The following TBX10 variants were observed in gnomAD, a reference collection of about 807,000 sequenced individuals.
TBX10 encodes the protein T-box transcription factor TBX10.
TBX10 carries 26 observed loss-of-function variants against 32.4 expected under a neutral mutation model. That is an observed-to-expected ratio of 0.80 (90% confidence interval 0.59 to 1.11). The LOEUF (loss-of-function observed/expected upper bound fraction) is 1.11, where lower values mean the gene tolerates loss of function less well. Ranked by LOEUF, TBX10 falls within the 50% of genes most tolerant of loss-of-function variation. The pLI is 0.00. For synonymous variants in TBX10, 195 were observed against 203.1 expected, an observed-to-expected ratio of 0.96 and a Z score of 0.34; for missense variants, 490 against 494.5, an observed-to-expected ratio of 0.99 and a Z score of 0.09.
chr11:67,634,984 C>T lies in TBX10; in HGVS notation c.275+12G>A, dbSNP rs745844162. On this transcript the variant is annotated intron_variant, in intron 2 of 7. Transcript: ENST00000335385. ...CCTGGCCCCTGCCTCACCCCGCCCC[C>T]GCTGCTCACACCTGCCTGCCTTGGT... The T allele has an allele frequency of 5.6e-5, 90 of 1,613,260 alleles. No homozygotes were observed. The highest frequency in any genetic ancestry group is 6.7e-5 in the Admixed American group (4 of 60,014).
In TBX10 at chr11:67,635,216, G is replaced by C. The variant is rs766130985; in HGVS notation, c.55C>G (p.Pro19Ala). 4.3e-6 allele frequency: 7 copies of C among 1,613,680 alleles called. No individual in the cohort carries two copies. Among genetic ancestry groups the C allele is most frequent in the Admixed American group, 1.7e-5 (1 of 60,008 alleles). ...CAGCCAGAGCTGGTTGTAGGTAGGG[G>C]GTAGGTCTCTGAGGGTGCAAGTATG... ...LGILAPSETYPLPTTSSGWEP... is the reference protein window; with the variant it reads ...LGILAPSETYALPTTSSGWEP... The change falls in exon 2 of 8, where the codon CCC becomes GCC. Residue 19 changes from proline (P) to alanine (A), a missense_variant. Pro to Ala is a conservative substitution (Grantham distance 27). Transcript: ENST00000335385.
chr11:67,635,090 G>T lies in TBX10; in HGVS notation c.181C>A (p.Arg61Ser), dbSNP rs779864791. ...AGCTGAACTGTCACTCTGGACACAC[G>T]TGGGTTCTTGGGGCCCTGCCCAGTG... ...EPTGQGPKNP[R>S]VSRVTVQLEM... The change falls in exon 2 of 8, where the codon CGT (arginine) becomes AGT (serine). Residue 61 changes from arginine (R) to serine (S), a missense_variant. Coordinates refer to ENST00000335385, the MANE Select transcript of TBX10 (RefSeq NM_005995.5). The T allele has an allele frequency of 6.2e-7, 1 of 1,613,878 alleles. No homozygotes were observed. Among genetic ancestry groups the T allele is most frequent in the Non-Finnish European group, 8.5e-7 (1 of 1,180,036 alleles).
chr11:67,633,229 C>T lies in TBX10; in HGVS notation c.550-126G>A, dbSNP rs956895320. ...TGCCACCCTGTTCCTTTCATGGCAG[C>T]ACAGGGTCTGAGCTGGAGAGGCTGC... On this transcript the variant is annotated intron_variant, in intron 4 of 7. Coordinates refer to ENST00000335385, the MANE Select transcript of TBX10 (RefSeq NM_005995.5). 3 of 1,234,318 alleles carry T rather than the reference C, an allele frequency of 2.4e-6. No individual in the cohort carries two copies. The African/African-American group carries it at 4.5e-5, about 19-fold the overall frequency. The allele number at this position is 1,234,318 out of a possible 1,614,324, so 76.5% of individuals were successfully genotyped here. A position where few individuals can be genotyped will look rare whatever the true frequency, so the allele number is the denominator to read the frequency against.
In TBX10 at chr11:67,632,382, G is replaced by A. The variant is rs1855250021; in HGVS notation, c.804C>T (p.Val268=). Residue 268 remains valine (V), a synonymous_variant, in exon 7 of 8, where the codon GTC becomes GTT. Transcript: ENST00000335385. ...WPVAPRPLLS[V]PARSHSSLSP... ...TGAGGCTGCTGTGACTCCGGGCTGG[G>A]ACACTGAGCAGGGGCCGTGGGGCCA... 1 of 1,613,148 alleles carries A rather than the reference G, an allele frequency of 6.2e-7. No homozygotes were observed. Among genetic ancestry groups the A allele is most frequent in the Admixed American group, 1.7e-5 (1 of 60,030 alleles).
chr11:67,635,276 G>T lies in TBX10; in HGVS notation c.8-13C>A. 2 of 1,612,924 alleles carry T rather than the reference G, an allele frequency of 1.2e-6. No homozygotes were observed. The highest frequency in any genetic ancestry group is 1.7e-6 in the Non-Finnish European group (2 of 1,180,002). On this transcript the variant is annotated splice_polypyrimidine_tract_variant and intron_variant, in intron 1 of 7. Coordinates refer to ENST00000335385, the MANE Select transcript of TBX10 (RefSeq NM_005995.5). ...GCAGATAGGAAGGCTGTGGAGAGAGGACGGAAGTGTGGGCCCCACGCATCA... is the reference window on the plus strand; with the variant it reads ...GCAGATAGGAAGGCTGTGGAGAGAGTACGGAAGTGTGGGCCCCACGCATCA...
chr11:67,638,215 AAAT>A (rs1202426768), intron 1 of TBX10, among the ~76,000 whole-genome samples: 9 of 145,488 alleles, frequency 6.2e-5, no homozygotes, highest in African/African-American at 2.5e-4. Context: ...CTCAAAAAAT[AAAT>A]AAATAAATAA....
upstream of TBX10, among the ~76,000 whole-genome samples, chr11:67,640,877 T>A (rs1490984955): frequency 1.3e-5 from 2 of 152,158 alleles, no homozygotes; most frequent in East Asian, 3.9e-4. Flanking sequence ...GTGTCTCACA[T>A]CTCAGCCTGC....
At chr11:67,632,767 G>A in intron 5 of TBX10, 97 bp from the exon 6 acceptor site, 1 of 1,558,450 alleles carries the variant, frequency 6.4e-7, no homozygotes, top group Non-Finnish European at 8.8e-7. Context: ...TGGCACCTGG[G>A]CCTCTTGGCC....
chr11:67,633,460 A>G (rs1237564881), intron 4 of TBX10, among the ~76,000 whole-genome samples: 2 of 151,850 alleles, frequency 1.3e-5, no homozygotes, highest in Admixed American at 1.3e-4. Flanking sequence ...GCCACATCAT[A>G]TGCCCCCTGC....
chr11:67,633,548 C>T (rs943760798), intron 4 of TBX10, among the ~76,000 whole-genome samples: 3 of 152,218 alleles, frequency 2.0e-5, no homozygotes, highest in Non-Finnish European at 4.4e-5. Flanking sequence ...CTCAGGCATT[C>T]GCCTCCTTGG....
At position 67,631,465 on chromosome 11, in the gene TBX10, A is replaced by T; in HGVS notation, c.*140T>A. On this transcript the variant is annotated 3_prime_UTR_variant, in exon 8 of 8. Coordinates refer to ENST00000335385, the MANE Select transcript of TBX10 (RefSeq NM_005995.5). ...TCCCAGCCTTGCTGTGACCCTGGGC[A>T]GGTAGCCTCTTTCTCTAGACTTTCA... The T allele has an allele frequency of 9.1e-7, 1 of 1,100,678 alleles. No individual in the cohort carries two copies. Among genetic ancestry groups the T allele is most frequent in the Non-Finnish European group, 1.3e-6 (1 of 766,824 alleles). 68.2% of individuals were successfully genotyped at this position (1,100,678 alleles called of 1,614,324 possible). A position where few individuals can be genotyped will look rare whatever the true frequency, so the allele number is the denominator to read the frequency against.
intron 4 of TBX10, among the ~76,000 whole-genome samples, chr11:67,633,851 G>A (rs1022000479): frequency 1.3e-5 from 2 of 152,230 alleles, no homozygotes; most frequent in Admixed American, 6.5e-5. Context: ...CTCTGTGAGG[G>A]CAGGGATCGT....
rs1355564086 is a variant in TBX10, at chr11:67,634,834, A to G, written c.359T>C (p.Leu120Pro). 1 of 1,613,512 alleles carries G rather than the reference A, an allele frequency of 6.2e-7. No homozygotes were observed. Among genetic ancestry groups the G allele is most frequent in the South Asian group, 1.1e-5 (1 of 91,084 alleles). Residue 120 changes from leucine to proline, a missense_variant, in exon 3 of 8, where the codon CTG (leucine) becomes CCG (proline). Leu to Pro is a moderately conservative substitution (Grantham distance 98). Transcript: ENST00000335385. ...CCCGCACCTGTATCTCTTGTCGTCC[A>G]GGGGGATGAAGTCCATGAGCAGGGC... ...DYALLMDFIP[L>P]DDKRYRYAFH...
rs1420631419 is a variant in TBX10 at position 67,632,883 on chromosome 11, C to T, written c.705+65G>A. Reference sequence around the variant, plus strand: ...CTGTGCCAGTGAGGGCTGCAAGCCTCAGGGCTCAGTCTCCACCCCTGTGAA... The same window carrying T: ...CTGTGCCAGTGAGGGCTGCAAGCCTTAGGGCTCAGTCTCCACCCCTGTGAA... On this transcript the variant is annotated intron_variant, in intron 5 of 7. Transcript: ENST00000335385. 16 of 1,613,056 alleles carry T rather than the reference C, an allele frequency of 9.9e-6. No individual in the cohort carries two copies. In the East Asian group the frequency reaches 2.5e-4, roughly 25 times the overall value.
At chr11:67,636,672 A>G (rs1288124474) in intron 1 of TBX10, among the ~76,000 whole-genome samples, 1 of 151,054 alleles carries the variant, frequency 6.6e-6, no homozygotes, top group Non-Finnish European at 1.5e-5. Context: ...TAATTTTTGT[A>G]TTTTTATTAG....
At chr11:67,634,046 G>T in intron 4 of TBX10, 143 bp downstream of exon 4, 1 of 917,436 alleles carries the variant, frequency 1.1e-6, no homozygotes, top group Non-Finnish European at 1.6e-6. Flanking sequence ...CCCCCAGCCA[G>T]GTGAGCTCGC....
chr11:67,641,233 CGT>C (rs1005798968), upstream of TBX10, among the ~76,000 whole-genome samples: 8 of 151,768 alleles, frequency 5.3e-5, no homozygotes, highest in African/African-American at 1.9e-4. Context: ...GCCCCTGATA[CGT>C]GTGTGTGTGC....
Position 67,635,182 on chromosome 11 carries a change from C to CG in TBX10, c.88dup (p.Arg30ProfsTer55). The CG allele has an allele frequency of 6.2e-7, 1 of 1,613,830 alleles. No individual in the cohort carries two copies. The highest frequency in any genetic ancestry group is 2.2e-5 in the East Asian group (1 of 44,884). On this transcript the variant is annotated frameshift_variant, in exon 2 of 8. Transcript: ENST00000335385. LOFTEE classifies it high-confidence loss of function. Reference sequence around the variant, plus strand: ...GCCTGATGGGAATGGTGACCCCAGCCGGGGCTCCCAGCCAGAGCTGGTTGT... The same window carrying CG: ...GCCTGATGGGAATGGTGACCCCAGCCGGGGGCTCCCAGCCAGAGCTGGTTGT...
At chr11:67,634,711 GCATT>G (rs777560947) in intron 3 of TBX10, 101 bp downstream of exon 3, 1,200 of 1,270,240 alleles carry the variant, frequency 9.4e-4, no homozygotes, top group Non-Finnish European at 1.3e-3. Context: ...GACCTCCCTG[GCATT>G]GTTTGGACAG....
Sources: gnomAD v4.1 joint callset for allele counts (sites outside exome capture counted in the v4.1 genomes callset) on GRCh38, gnomAD v4.1.1 for gene constraint, MANE v1.5 for transcripts, NCBI Gene and HGNC (gene_info 2026-07-23, HGNC 2026-07-21) for gene names.